PTPRD: variants seen among roughly 807,000 people sequenced by gnomAD.
PTPRD encodes the protein receptor-type tyrosine-protein phosphatase delta.
A neutral mutation model predicts 214.5 loss-of-function variants in PTPRD; 34 were observed. That is an observed-to-expected ratio of 0.16 (90% CI 0.12 to 0.21). The LOEUF (loss-of-function observed/expected upper bound fraction) is 0.21. Among genes scored for constraint, PTPRD ranks in the 10% least tolerant of loss-of-function variants. The probability of loss-of-function intolerance (pLI) is 1.00; values close to 1 mark genes in which losing one functional copy is unlikely to be tolerated. For missense variants in PTPRD, 2,545 were observed against 2,398.7 expected, an observed-to-expected ratio of 1.06 and a Z score of -1.27; for synonymous variants, 1,128 against 845.7, an observed-to-expected ratio of 1.33 and a Z score of -5.79.
intron 2 of PTPRD, among the ~76,000 whole-genome samples, chr9:10,566,500 C>G (rs183311992): frequency 1.8e-4 from 27 of 152,062 alleles, no homozygotes; most frequent in African/African-American, 5.8e-4. Flanking sequence ...CATATGATAA[C>G]TGGTTATTTC....
chr9:9,034,762 G>A (rs1210917298), intron 10 of PTPRD, among the ~76,000 whole-genome samples: 1 of 152,144 alleles, frequency 6.6e-6, no homozygotes, highest in East Asian at 1.9e-4. Flanking sequence ...ATAAAATGGG[G>A]ATAGAAATAA....
At chr9:10,528,773 A>G (rs999324495) in intron 2 of PTPRD, among the ~76,000 whole-genome samples, 2 of 152,184 alleles carry the variant, frequency 1.3e-5, no homozygotes, top group African/African-American at 4.8e-5. Flanking sequence ...GTCTTTAAAT[A>G]TTCTCTAACA....
chr9:8,949,184 A>G (rs996084865), intron 11 of PTPRD, among the ~76,000 whole-genome samples: 1 of 149,842 alleles, frequency 6.7e-6, no homozygotes, highest in Non-Finnish European at 1.5e-5. Flanking sequence ...AGATCATGCC[A>G]TTGCACTCCA....
At chr9:10,568,451 G>T (rs1341112202) in intron 2 of PTPRD, among the ~76,000 whole-genome samples, 2 of 152,174 alleles carry the variant, frequency 1.3e-5, no homozygotes, top group East Asian at 1.9e-4. Flanking sequence ...CTTCATAGCA[G>T]CATGATTTAT....
At chr9:9,409,097 G>A (rs1441710482) in intron 8 of PTPRD, among the ~76,000 whole-genome samples, 3 of 151,850 alleles carry the variant, frequency 2.0e-5, no homozygotes, top group Non-Finnish European at 4.4e-5. Flanking sequence ...ATCTGACAAA[G>A]ATAGATGAGT....
intron 9 of PTPRD, among the ~76,000 whole-genome samples, chr9:9,241,129 T>C (rs983587943): frequency 6.6e-6 from 1 of 152,198 alleles, no homozygotes; most frequent in Non-Finnish European, 1.5e-5. Context: ...CTAAATGAAC[T>C]GATAAGAACT....
chr9:10,056,119 G>C (rs1299949887), intron 3 of PTPRD, among the ~76,000 whole-genome samples: 1 of 151,818 alleles, frequency 6.6e-6, no homozygotes, highest in Non-Finnish European at 1.5e-5. Flanking sequence ...TCAGGAGTTT[G>C]AGACCAGCCT....
chr9:10,347,064 T>C (rs2097096951), intron 2 of PTPRD, among the ~76,000 whole-genome samples: 1 of 152,148 alleles, frequency 6.6e-6, no homozygotes, highest in Non-Finnish European at 1.5e-5. Flanking sequence ...GTCCTTACTA[T>C]AAGGCACACC....
At chr9:8,367,833 T>C (rs761059427) in intron 39 of PTPRD, among the ~76,000 whole-genome samples, 4 of 152,180 alleles carry the variant, frequency 2.6e-5, no homozygotes, top group Non-Finnish European at 5.9e-5. Flanking sequence ...CTTCTTTCTA[T>C]GTAACAGGCT....
At chr9:10,583,666 G>C (rs1278495784) in intron 2 of PTPRD, among the ~76,000 whole-genome samples, 1 of 151,726 alleles carries the variant, frequency 6.6e-6, no homozygotes, top group African/African-American at 2.4e-5. Flanking sequence ...TTTTAGTAGA[G>C]ACAGAGTTTC....
intron 3 of PTPRD, among the ~76,000 whole-genome samples, chr9:10,041,855 T>C (rs138201713): frequency 3.3e-5 from 5 of 152,004 alleles, no homozygotes; most frequent in Admixed American, 1.3e-4. Context: ...CCATTAGGAG[T>C]TGCCTTCCCT....
At chr9:9,214,237 G>A (rs980875273) in intron 9 of PTPRD, among the ~76,000 whole-genome samples, 1 of 152,184 alleles carries the variant, frequency 6.6e-6, no homozygotes, top group Non-Finnish European at 1.5e-5. Context: ...AGTGATCAGT[G>A]CTCCAGATGC....
chr9:9,708,649 T>C (rs549031625), intron 7 of PTPRD, among the ~76,000 whole-genome samples: 2 of 152,132 alleles, frequency 1.3e-5, no homozygotes, highest in African/African-American at 4.8e-5. Context: ...AAAACTGTTT[T>C]ACTTTTACAG....
At chr9:9,201,093 T>G (rs189360853) in intron 9 of PTPRD, among the ~76,000 whole-genome samples, 3 of 152,158 alleles carry the variant, frequency 2.0e-5, no homozygotes, top group African/African-American at 7.2e-5. Flanking sequence ...AATCTTATCA[T>G]GAAAAGTGGT....
At position 10,428,242 on chromosome 9, in the gene PTPRD, C is replaced by T. The variant is rs537213878; in HGVS notation, c.-599-87225G>A. Among the ~76,000 whole-genome samples, 436 of 151,966 alleles carry T rather than the reference C, an allele frequency of 2.9e-3. 5 individuals carry two copies. The highest frequency in any genetic ancestry group is 4.8e-3 in the Admixed American group (73 of 15,246). ...GCTGAGGCGGGAGAATTGTTTGAAC[C>T]GGGGAGACAGATGTTGCAGCGAGCT... On this transcript the variant is annotated intron_variant, in intron 2 of 45. Coordinates refer to ENST00000381196, the MANE Select transcript of PTPRD (RefSeq NM_002839.4).
chr9:10,553,894 T>G (rs1477028816), intron 2 of PTPRD, among the ~76,000 whole-genome samples: 1 of 152,226 alleles, frequency 6.6e-6, no homozygotes, highest in African/African-American at 2.4e-5. Flanking sequence ...ATTACTGAGT[T>G]AAAGTATGCT....
intron 10 of PTPRD, among the ~76,000 whole-genome samples, chr9:9,024,351 TG>T (rs200344578): frequency 3.2e-5 from 2 of 62,034 alleles, no homozygotes; most frequent in African/African-American, 4.1e-5. Context: ...TTTTTTTGTT[TG>T]TTTTTTTTTT....
intron 2 of PTPRD, among the ~76,000 whole-genome samples, chr9:10,609,206 A>G (rs2080290619): frequency 6.6e-6 from 1 of 152,102 alleles, no homozygotes. Flanking sequence ...AATGTGAGAC[A>G]TACATAGATA....
intron 3 of PTPRD, among the ~76,000 whole-genome samples, chr9:10,163,639 T>C (rs1305580969): frequency 6.6e-6 from 1 of 151,470 alleles, no homozygotes; most frequent in Non-Finnish European, 1.5e-5. Flanking sequence ...CTCAGTATAT[T>C]TTAAATGGTA....
Sources: gnomAD v4.1 joint callset for allele counts (sites outside exome capture counted in the v4.1 genomes callset) on GRCh38, gnomAD v4.1.1 for gene constraint, MANE v1.5 for transcripts, NCBI Gene and HGNC (gene_info 2026-07-23, HGNC 2026-07-21) for gene names.